Variants in THSD7A observed in about 807,000 individuals in gnomAD.
THSD7A encodes thrombospondin type-1 domain-containing protein 7A.
A neutral mutation model predicts 231.3 loss-of-function variants in THSD7A; 96 were observed. The observed-to-expected ratio is 0.41, with a 90% confidence interval of 0.35 to 0.49. THSD7A has a LOEUF of 0.49. Among genes scored for constraint, THSD7A ranks in the 20% least tolerant of loss-of-function variants. THSD7A has a pLI of 0.05. For synonymous variants in THSD7A, 940 were observed against 743.3 expected (o/e 1.26, Z -4.30); for missense variants, 2,290 against 2,070.2 (o/e 1.11, Z -2.06).
Position 11,565,639 on chromosome 7 carries a change from T to C in THSD7A, c.1454-22522A>G, listed in dbSNP as rs1015384009. ...GGGGGTTAGAGAGAGAAGAATCAAG[T>C]ATGGCTCCAAAGATTTTGGTCTAAG... On this transcript the variant is annotated intron_variant, in intron 4 of 27. Coordinates refer to ENST00000423059, the MANE Select transcript of THSD7A (RefSeq NM_015204.3). Among the ~76,000 whole-genome samples, 4 of 152,202 alleles carry C rather than the reference T, an allele frequency of 2.6e-5. No individual in the cohort carries two copies. The East Asian group carries it at 7.7e-4, about 29-fold the overall frequency.
At chr7:11,758,006 C>T (rs1316957594) in intron 1 of THSD7A, among the ~76,000 whole-genome samples, 2 of 66,394 alleles carry the variant, frequency 3.0e-5, no homozygotes, top group Admixed American at 1.6e-4. Flanking sequence ...TATACATATG[C>T]ATTCATATAT....
intron 1 of THSD7A, among the ~76,000 whole-genome samples, chr7:11,665,323 G>A (rs1783088444): frequency 6.6e-6 from 1 of 152,028 alleles, no homozygotes. Context: ...GACCCTGCCA[G>A]CTGTAGAACA....
intron 1 of THSD7A, among the ~76,000 whole-genome samples, chr7:11,722,469 G>A (rs1781389984): frequency 6.6e-6 from 1 of 151,846 alleles, no homozygotes; most frequent in Admixed American, 6.6e-5. Context: ...TGGCAACCAA[G>A]TGACTCTGCC....
At chr7:11,716,617 G>A (rs1416543662) in intron 1 of THSD7A, among the ~76,000 whole-genome samples, 4 of 109,662 alleles carry the variant, frequency 3.6e-5, no homozygotes, top group Non-Finnish European at 6.1e-5. Flanking sequence ...CAATCCAATA[G>A]ACTATACAGT....
intron 4 of THSD7A, among the ~76,000 whole-genome samples, chr7:11,546,204 T>TCA (rs60896722): frequency 1.4e-5 from 2 of 140,266 alleles, no homozygotes; most frequent in Non-Finnish European, 3.1e-5. Context: ...GGGCGCGCGC[T>TCA]CACACACACA....
intron 4 of THSD7A, among the ~76,000 whole-genome samples, chr7:11,553,178 A>T (rs1034017469): frequency 6.6e-6 from 1 of 152,088 alleles, no homozygotes; most frequent in African/African-American, 2.4e-5. Context: ...CCAAATCAAC[A>T]CTGACATAAT....
intron 1 of THSD7A, among the ~76,000 whole-genome samples, chr7:11,797,081 G>T (rs952351463): frequency 6.6e-6 from 1 of 152,012 alleles, no homozygotes; most frequent in South Asian, 2.1e-4. Flanking sequence ...GACATCCTGG[G>T]AATTCTCATA....
chr7:11,578,958 G>T (rs1273497234), intron 4 of THSD7A, among the ~76,000 whole-genome samples: 1 of 152,114 alleles, frequency 6.6e-6, no homozygotes, highest in Non-Finnish European at 1.5e-5. Flanking sequence ...ATAATTACAA[G>T]AATATAGATT....
At chr7:11,412,324 C>T (rs959843085) in intron 18 of THSD7A, among the ~76,000 whole-genome samples, 28 of 152,116 alleles carry the variant, frequency 1.8e-4, no homozygotes, top group African/African-American at 6.5e-4. Flanking sequence ...AAAAGAAAGA[C>T]ATTTTTGAAT....
At chr7:11,422,465 A>T (rs1784177817) in intron 16 of THSD7A, among the ~76,000 whole-genome samples, 1 of 152,198 alleles carries the variant, frequency 6.6e-6, no homozygotes, top group Non-Finnish European at 1.5e-5. Context: ...TCATTACATG[A>T]TTAGAGATCG....
intron 4 of THSD7A, among the ~76,000 whole-genome samples, chr7:11,566,594 G>GTA (rs1790337883): frequency 6.6e-6 from 1 of 152,166 alleles, no homozygotes; most frequent in Non-Finnish European, 1.5e-5. Context: ...AGAGCTGCAT[G>GTA]CACTCTGATA....
At chr7:11,434,707 T>C (rs1194454444) in intron 13 of THSD7A, among the ~76,000 whole-genome samples, 1 of 151,942 alleles carries the variant, frequency 6.6e-6, no homozygotes. Flanking sequence ...CAACTGGGAA[T>C]GAGAAAATGT....
intron 1 of THSD7A, among the ~76,000 whole-genome samples, chr7:11,754,649 T>C (rs1288388961): frequency 6.6e-6 from 1 of 152,120 alleles, no homozygotes; most frequent in Non-Finnish European, 1.5e-5. Context: ...AAATTCTTGT[T>C]ATTCTTCAAA....
intron 15 of THSD7A, 67 bp downstream of exon 15, chr7:11,426,599 C>A (rs1312480515): frequency 6.9e-7 from 1 of 1,449,300 alleles, no homozygotes; most frequent in Non-Finnish European, 9.2e-7. Flanking sequence ...GAAATGTATT[C>A]TCAGAAATCA....
intron 2 of THSD7A, among the ~76,000 whole-genome samples, chr7:11,595,324 A>T (rs1780320349): frequency 6.6e-6 from 1 of 152,190 alleles, no homozygotes; most frequent in Admixed American, 6.5e-5. Flanking sequence ...AATCTGCAGA[A>T]CAGGCATGGG....
intron 1 of THSD7A, among the ~76,000 whole-genome samples, chr7:11,753,544 T>TTCTC (rs35547018): frequency 0.01 from 1,438 of 141,780 alleles, 29 homozygotes; most frequent in East Asian, 0.092. Flanking sequence ...ATGCAGCCCT[T>TTCTC]TCTCTCTCTC....
At position 11,778,824 on chromosome 7, in the gene THSD7A, T is replaced by C. The variant is rs1486208619; in HGVS notation, c.190+52933A>G. Among the ~76,000 whole-genome samples the C allele has an allele frequency of 1.1e-4, 16 of 152,280 alleles. No individual in the cohort carries two copies. The East Asian group carries it at 3.1e-3, about 29-fold the overall frequency. On this transcript the variant is annotated intron_variant, in intron 1 of 27. Coordinates refer to ENST00000423059, the MANE Select transcript of THSD7A (RefSeq NM_015204.3). ...TATATTCTGAGAAATATACCAATGT[T>C]TCTATAAATCTATGCACAAATAAAT...
At chr7:11,633,025 C>T (rs1269969384) in intron 2 of THSD7A, among the ~76,000 whole-genome samples, 1 of 152,132 alleles carries the variant, frequency 6.6e-6, no homozygotes, top group Non-Finnish European at 1.5e-5. Flanking sequence ...CTTTTCACCA[C>T]CAAATATTTT....
At chr7:11,525,701 C>T (rs887132230) in intron 6 of THSD7A, among the ~76,000 whole-genome samples, 2 of 152,094 alleles carry the variant, frequency 1.3e-5, no homozygotes, top group African/African-American at 4.8e-5. Context: ...CATGATTCTA[C>T]ATTTCAGAGA....
Sources: allele counts gnomAD v4.1 joint callset (sites outside exome capture counted in the v4.1 genomes callset), GRCh38; gene constraint gnomAD v4.1.1; transcripts MANE v1.5; gene names NCBI Gene and HGNC (gene_info 2026-07-23, HGNC 2026-07-21).